Variants in MEGF11 observed in about 807,000 individuals in gnomAD.
MEGF11 encodes multiple EGF like domains 11.
MEGF11 carries 126 observed loss-of-function variants against 146.6 expected under a neutral mutation model. The observed-to-expected ratio is 0.86, with a 90% CI of 0.74 to 1.00. The LOEUF is 1.00. MEGF11 is among the 50% of genes least tolerant of loss of function. The pLI is 0.00. For missense variants in MEGF11, 1,509 were observed against 1,521.2 expected (o/e 0.99, Z 0.13); for synonymous variants, 532 against 583.4 (o/e 0.91, Z 1.27).
chr15:65,976,876 A>C (rs1242245552), intron 7 of MEGF11, among the ~76,000 whole-genome samples: 1 of 152,146 alleles, frequency 6.6e-6, no homozygotes, highest in East Asian at 1.9e-4. Context: ...CTTGGCGGCC[A>C]GGTCCAGTCG....
intron 5 of MEGF11, among the ~76,000 whole-genome samples, chr15:65,989,204 G>T (rs1001639222): frequency 1.3e-5 from 2 of 152,160 alleles, no homozygotes; most frequent in African/African-American, 4.8e-5. Context: ...TGGAGGTGGG[G>T]TGGGAGAGAA....
At chr15:66,186,905 A>C (rs888282154) in intron 1 of MEGF11, among the ~76,000 whole-genome samples, 1 of 152,196 alleles carries the variant, frequency 6.6e-6, no homozygotes, top group South Asian at 2.1e-4. Flanking sequence ...CTTAAACTAG[A>C]GGCAGCACTG....
chr15:65,945,836 G>C (rs999940914), intron 10 of MEGF11, among the ~76,000 whole-genome samples: 2 of 152,192 alleles, frequency 1.3e-5, no homozygotes, highest in African/African-American at 4.8e-5. Context: ...GGGGCAGTGA[G>C]GATCACTCTG....
intron 1 of MEGF11, among the ~76,000 whole-genome samples, chr15:66,145,833 G>A (rs796827478): frequency 1.6e-4 from 24 of 152,270 alleles, no homozygotes; most frequent in African/African-American, 5.1e-4. Flanking sequence ...TTAATCTTGC[G>A]GGGGATCTGT....
intron 5 of MEGF11, among the ~76,000 whole-genome samples, chr15:66,034,772 C>T (rs2083662134): frequency 6.6e-6 from 1 of 152,066 alleles, no homozygotes; most frequent in Admixed American, 6.5e-5. Context: ...GGAAACAATC[C>T]CTCTGCCCTC....
chr15:66,248,381 C>T (rs555673158), intron 1 of MEGF11, among the ~76,000 whole-genome samples: 14 of 152,330 alleles, frequency 9.2e-5, no homozygotes, highest in South Asian at 8.3e-4. Context: ...CATTCCCACT[C>T]CAATCAAGGG....
intron 24 of MEGF11, 87 bp from the exon 25 acceptor site, chr15:65,899,021 G>T: frequency 7.6e-7 from 1 of 1,315,186 alleles, no homozygotes. Flanking sequence ...GAGTTTATGT[G>T]CCTTCAGGAT....
chr15:66,233,951 CTTT>C (rs57240560), intron 1 of MEGF11, among the ~76,000 whole-genome samples: 29 of 119,896 alleles, frequency 2.4e-4, no homozygotes, highest in Non-Finnish European at 4.0e-4. Flanking sequence ...TTTTCTTTTT[CTTT>C]TTTTTTTTTT....
chr15:66,137,123 A>G (rs1463336748), intron 1 of MEGF11, among the ~76,000 whole-genome samples: 1 of 152,254 alleles, frequency 6.6e-6, no homozygotes, highest in Non-Finnish European at 1.5e-5. Context: ...CCATGTCTAT[A>G]TAACAAACTA....
chr15:65,926,798 T>G (rs975460852), intron 13 of MEGF11, among the ~76,000 whole-genome samples: 1 of 152,236 alleles, frequency 6.6e-6, no homozygotes, highest in African/African-American at 2.4e-5. Context: ...ATTAAAATCT[T>G]AATTGGCTCA....
intron 5 of MEGF11, among the ~76,000 whole-genome samples, chr15:66,053,755 TCTCA>T (rs2084560530): frequency 8.0e-6 from 1 of 125,000 alleles, no homozygotes; most frequent in African/African-American, 3.1e-5. Flanking sequence ...TGAGACAAGG[TCTCA>T]CTCTGTTGCT....
intron 1 of MEGF11, among the ~76,000 whole-genome samples, chr15:66,205,648 T>C (rs185395167): frequency 3.3e-4 from 51 of 152,312 alleles, no homozygotes; most frequent in African/African-American, 1.2e-3. Flanking sequence ...CCCCCTGCAG[T>C]GTCAGTGGAG....
intron 1 of MEGF11, among the ~76,000 whole-genome samples, chr15:66,169,571 T>C (rs940868473): frequency 4.6e-5 from 7 of 152,272 alleles, no homozygotes; most frequent in Non-Finnish European, 8.8e-5. Flanking sequence ...TATTCATCCA[T>C]AGTAATAGCT....
At chr15:66,082,624 C>T (rs188366805) in intron 5 of MEGF11, among the ~76,000 whole-genome samples, 20 of 116,170 alleles carry the variant, frequency 1.7e-4, no homozygotes, top group Non-Finnish European at 2.6e-4. Context: ...GAGCCAAGAT[C>T]GTGCCACTGT....
chr15:66,253,290 C>G (rs924028538), intron 1 of MEGF11, among the ~76,000 whole-genome samples: 1 of 152,198 alleles, frequency 6.6e-6, no homozygotes, highest in African/African-American at 2.4e-5. Flanking sequence ...CGGGTCTTCC[C>G]CCGCACGTGG....
chr15:65,918,734 T>C (rs1055554022), intron 15 of MEGF11, among the ~76,000 whole-genome samples: 4 of 152,256 alleles, frequency 2.6e-5, no homozygotes, highest in African/African-American at 9.6e-5. Flanking sequence ...TTGGAGGATT[T>C]TGGTCACAGA....
At chr15:65,924,223 G>A (rs1384905436) in intron 13 of MEGF11, among the ~76,000 whole-genome samples, 2 of 151,898 alleles carry the variant, frequency 1.3e-5, no homozygotes, top group African/African-American at 2.4e-5. Context: ...GAGAGGGAGG[G>A]AGATGCAACA....
At chr15:65,977,925 A>G (rs1472415138) in intron 7 of MEGF11, among the ~76,000 whole-genome samples, 1 of 152,184 alleles carries the variant, frequency 6.6e-6, no homozygotes, top group African/African-American at 2.4e-5. Flanking sequence ...CTCTGCTTTG[A>G]AAGGTCTCAG....
intron 20 of MEGF11, chr15:65,912,592 T>C: frequency 6.4e-6 from 1 of 155,262 alleles, no homozygotes; most frequent in Admixed American, 6.5e-5. Context: ...ACCTCACTTC[T>C]GACTCTGCTC....
Sources: gnomAD v4.1 joint callset for allele counts (sites outside exome capture counted in the v4.1 genomes callset) on GRCh38, gnomAD v4.1.1 for gene constraint, MANE v1.5 for transcripts, NCBI Gene and HGNC (gene_info 2026-07-23, HGNC 2026-07-21) for gene names.